Variants in HMGN5 observed in about 807,000 individuals in gnomAD.
HMGN5 encodes high mobility group nucleosome binding domain 5.
A neutral mutation model predicts 9.5 loss-of-function variants in HMGN5; 4 were observed. The observed-to-expected ratio is 0.42, with a 90% CI of 0.21 to 0.96. The LOEUF is 0.96. HMGN5 is among the 40% of genes least tolerant of loss of function. The pLI is 0.30. For synonymous variants in HMGN5, 55 were observed against 57.1 expected, an observed-to-expected ratio of 0.96 and a Z score of 0.16; for missense variants, 192 against 187.5, an observed-to-expected ratio of 1.02 and a Z score of -0.14.
chrX:81,176,078 G>A (rs1023570325), intron 1 of HMGN5, among the ~76,000 whole-genome samples: 3 of 111,487 alleles, frequency 2.7e-5, no homozygotes, highest in African/African-American at 9.8e-5. Context: ...AGCTTCCAGA[G>A]GAAGGATCAG....
intron 1 of HMGN5, among the ~76,000 whole-genome samples, chrX:81,199,331 C>G (rs1279311571): frequency 1.8e-5 from 2 of 108,684 alleles, no homozygotes; most frequent in Non-Finnish European, 3.9e-5. Flanking sequence ...TCAATGCTAT[C>G]CCCATCAAGC....
chrX:81,182,291 A>T (rs903620395), intron 1 of HMGN5, among the ~76,000 whole-genome samples: 1 of 111,446 alleles, frequency 9.0e-6, no homozygotes, highest in African/African-American at 3.3e-5. Context: ...TTTGAATTGG[A>T]TTATTAGGCA....
chrX:81,117,448 T>A (rs2075257036), intron 5 of HMGN5, among the ~76,000 whole-genome samples: 1 of 109,152 alleles, frequency 9.2e-6, no homozygotes, highest in Admixed American at 9.9e-5. Context: ...ATTTTCTATG[T>A]TGCCCAGGCT....
Position 81,118,437 on chromosome X carries a change from A to T in HMGN5, c.124T>A (p.Ser42Thr). The change falls in exon 5 of 7, where the codon TCA becomes ACA. Residue 42 changes from serine to threonine, a missense_variant. Coordinates refer to ENST00000358130, the MANE Select transcript of HMGN5 (RefSeq NM_030763.3). ...PEVKPKRTSSSRKMKTKSDMM... is the reference protein window; with the variant it reads ...PEVKPKRTSSTRKMKTKSDMM... ...ATTCTACGTTGAATATTTACCCTTG[A>T]ACTTGATGTTCTTTTAGGCTTCACC... 8.6e-7 allele frequency: 1 copy of T among 1,162,287 alleles called. No homozygotes were observed. The highest frequency in any genetic ancestry group is 1.2e-6 in the Non-Finnish European group (1 of 858,659).
At chrX:81,144,998 T>C (rs1307070738) in intron 1 of HMGN5, among the ~76,000 whole-genome samples, 1 of 111,455 alleles carries the variant, frequency 9.0e-6, no homozygotes, top group Non-Finnish European at 1.9e-5. Flanking sequence ...TATGGGACTA[T>C]ATGGAAAGGC....
In HMGN5 at chrX:81,117,670, T is replaced by C. The variant is rs937925433; in HGVS notation, c.129+762A>G. 2.7e-5 allele frequency among the ~76,000 whole-genome samples: 3 copies of C among 111,727 alleles called. No homozygotes were observed. The East Asian group carries it at 8.4e-4, about 31-fold the overall frequency. On this transcript the variant is annotated intron_variant, in intron 5 of 6. Coordinates refer to ENST00000358130, the MANE Select transcript of HMGN5 (RefSeq NM_030763.3). ...GCAGAAAAAAAAACCTTCTTTTCTTTTGTCACCATTAAATATATCAATTAT... is the reference window on the plus strand; with the variant it reads ...GCAGAAAAAAAAACCTTCTTTTCTTCTGTCACCATTAAATATATCAATTAT...
chrX:81,165,352 C>T lies in HMGN5; in HGVS notation c.-124+36385G>A, dbSNP rs779972585. ...CTCATTATATTTCCCCCATATTTGCCACTGAGATGAGCTGAATCAAGCCTG... is the reference window on the plus strand; with the variant it reads ...CTCATTATATTTCCCCCATATTTGCTACTGAGATGAGCTGAATCAAGCCTG... On this transcript the variant is annotated intron_variant, in intron 1 of 6. Transcript: ENST00000358130. 3.6e-5 allele frequency among the ~76,000 whole-genome samples: 4 copies of T among 110,753 alleles called. No individual in the cohort carries two copies. The South Asian group carries it at 1.5e-3, about 43-fold the overall frequency.
At chrX:81,159,688 ATT>A (rs754456117) in intron 1 of HMGN5, among the ~76,000 whole-genome samples, 1 of 103,760 alleles carries the variant, frequency 9.6e-6, no homozygotes, top group East Asian at 3.0e-4. Context: ...GTGAAATTCT[ATT>A]TTTTTTTTTT....
intron 1 of HMGN5, among the ~76,000 whole-genome samples, chrX:81,136,608 C>T (rs1361281288): frequency 9.0e-6 from 1 of 111,072 alleles, no homozygotes; most frequent in Non-Finnish European, 1.9e-5. Context: ...GTTCAAGTAA[C>T]CAACAGGAAG....
intron 1 of HMGN5, among the ~76,000 whole-genome samples, chrX:81,168,898 A>G (rs140135937): frequency 2.2e-4 from 25 of 111,567 alleles, no homozygotes; most frequent in East Asian, 8.5e-4. Flanking sequence ...ACAGTTGACT[A>G]TGTCTCATTT....
At chrX:81,124,705 GGTT>G (rs1461097600) in intron 1 of HMGN5, among the ~76,000 whole-genome samples, 2 of 111,956 alleles carry the variant, frequency 1.8e-5, no homozygotes, top group African/African-American at 6.5e-5. Flanking sequence ...AGAGTAAAAA[GGTT>G]ATTTTTGTGT....
chrX:81,121,716 G>A (rs2075269370), intron 1 of HMGN5, 44 bp from the exon 2 acceptor site: 1 of 375,657 alleles, frequency 2.7e-6, no homozygotes, highest in Non-Finnish European at 4.7e-6. Flanking sequence ...CATTAAACAC[G>A]CCAAGACGCA....
At chrX:81,117,839 T>C (rs759022633) in intron 5 of HMGN5, among the ~76,000 whole-genome samples, 21 of 110,787 alleles carry the variant, frequency 1.9e-4, no homozygotes, top group African/African-American at 6.9e-4. Context: ...TTTAACCTTT[T>C]ATGATTTCAG....
chrX:81,134,536 C>G (rs781281054), intron 1 of HMGN5, among the ~76,000 whole-genome samples: 1 of 110,903 alleles, frequency 9.0e-6, no homozygotes, highest in East Asian at 2.8e-4. Flanking sequence ...ACATTTAAAC[C>G]ACCCACTAAA....
At chrX:81,151,402 T>C (rs1159395854) in intron 1 of HMGN5, among the ~76,000 whole-genome samples, 1 of 111,521 alleles carries the variant, frequency 9.0e-6, no homozygotes, top group African/African-American at 3.3e-5. Flanking sequence ...GCTTTGTTCT[T>C]TTGGCTTAGG....
intron 1 of HMGN5, among the ~76,000 whole-genome samples, chrX:81,183,667 A>G (rs985337860): frequency 5.3e-5 from 6 of 112,566 alleles, no homozygotes; most frequent in African/African-American, 1.9e-4. Flanking sequence ...CTCATGGAGA[A>G]CCTCTGCTAG....
chrX:81,200,466 C>A (rs1377894594), intron 1 of HMGN5, among the ~76,000 whole-genome samples: 1 of 112,041 alleles, frequency 8.9e-6, no homozygotes, highest in Admixed American at 9.4e-5. Flanking sequence ...ACTCAAATGT[C>A]CCAGTGATAG....
At chrX:81,133,968 T>C (rs903441363) in intron 1 of HMGN5, among the ~76,000 whole-genome samples, 2 of 111,776 alleles carry the variant, frequency 1.8e-5, no homozygotes, top group Non-Finnish European at 3.8e-5. Flanking sequence ...GTTTAGGTTT[T>C]TAGTAAATTG....
At chrX:81,185,902 T>C (rs942347022) in intron 1 of HMGN5, among the ~76,000 whole-genome samples, 1 of 111,961 alleles carries the variant, frequency 8.9e-6, no homozygotes, top group African/African-American at 3.2e-5. Context: ...ATTCTCTTTA[T>C]ATGATGTATA....
Sources: allele counts gnomAD v4.1 joint callset (sites outside exome capture counted in the v4.1 genomes callset), GRCh38; gene constraint gnomAD v4.1.1; transcripts MANE v1.5; gene names NCBI Gene and HGNC (gene_info 2026-07-23, HGNC 2026-07-21).